The following RARB variants were observed in gnomAD, a reference collection of about 807,000 sequenced individuals.
RARB encodes HBV-activated protein.
A neutral mutation model predicts 51.9 loss-of-function variants in RARB; 17 were observed. That is an observed-to-expected ratio of 0.33 (90% CI 0.22 to 0.49). The LOEUF (loss-of-function observed/expected upper bound fraction) is 0.49. Among genes scored for constraint, RARB ranks in the 20% least tolerant of loss-of-function variants. The probability of loss-of-function intolerance (pLI) is 0.99; values close to 1 mark genes in which losing one functional copy is unlikely to be tolerated. For missense variants in RARB, 369 were observed against 550.8 expected, an observed-to-expected ratio of 0.67 and a Z score of 3.30; for synonymous variants, 215 against 195.4, an observed-to-expected ratio of 1.10 and a Z score of -0.84.
intron 2 of RARB, among the ~76,000 whole-genome samples, chr3:25,493,845 T>C (rs1261291221): frequency 2.0e-5 from 3 of 152,138 alleles, no homozygotes; most frequent in Non-Finnish European, 4.4e-5. Context: ...CATGACACAT[T>C]CCACACATGT....
chr3:25,128,018 G>T (rs1699889106), intron 3 of RARB, among the ~76,000 whole-genome samples: 1 of 152,014 alleles, frequency 6.6e-6, no homozygotes, highest in East Asian at 1.9e-4. Context: ...CTGGCTGTAG[G>T]GGACGAAAAG....
intron 5 of RARB, among the ~76,000 whole-genome samples, chr3:25,401,535 T>C (rs993727863): frequency 6.6e-6 from 1 of 152,108 alleles, no homozygotes; most frequent in Non-Finnish European, 1.5e-5. Context: ...ATTTAAGAAA[T>C]AAATGATCAG....
chr3:25,298,077 A>G (rs1703958773), intron 5 of RARB, among the ~76,000 whole-genome samples: 1 of 152,188 alleles, frequency 6.6e-6, no homozygotes, highest in Non-Finnish European at 1.5e-5. Flanking sequence ...CTTTCTTCAA[A>G]GCAGAGGTTC....
intron 5 of RARB, among the ~76,000 whole-genome samples, chr3:25,216,594 G>A (rs1346570790): frequency 1.3e-5 from 2 of 151,640 alleles, no homozygotes; most frequent in African/African-American, 4.8e-5. Context: ...GGGGTGGGGG[G>A]TTGTGAGGGG....
chr3:25,029,537 T>C (rs1386282177), intron 2 of RARB, among the ~76,000 whole-genome samples: 5 of 152,188 alleles, frequency 3.3e-5, no homozygotes, highest in Admixed American at 2.6e-4. Flanking sequence ...ACAGGAGCCT[T>C]TTCCTAGGTC....
At chr3:24,894,448 T>C (rs376602882) in intron 2 of RARB, among the ~76,000 whole-genome samples, 33 of 152,296 alleles carry the variant, frequency 2.2e-4, no homozygotes, top group African/African-American at 7.2e-4. Flanking sequence ...CATGATTTTA[T>C]TCTTCTTTAT....
At chr3:25,315,478 C>T (rs1474945585) in intron 5 of RARB, among the ~76,000 whole-genome samples, 1 of 152,166 alleles carries the variant, frequency 6.6e-6, no homozygotes, top group East Asian at 1.9e-4. Flanking sequence ...CTTGAGACTT[C>T]CTAACTTCCC....
chr3:25,484,289 C>T (rs923835217), intron 2 of RARB, among the ~76,000 whole-genome samples: 2 of 152,160 alleles, frequency 1.3e-5, no homozygotes, highest in African/African-American at 4.8e-5. Flanking sequence ...AGGTTTTCTT[C>T]ATGTCCTGGT....
intron 1 of RARB, chr3:25,441,183 G>A (rs1184473469): frequency 1.8e-5 from 4 of 226,756 alleles, no homozygotes; most frequent in Non-Finnish European, 3.6e-5. Flanking sequence ...TGGCATAATT[G>A]TTAAACGTTT....
chr3:25,469,915 C>A (rs1695606119), intron 2 of RARB, among the ~76,000 whole-genome samples: 1 of 151,932 alleles, frequency 6.6e-6, no homozygotes. Context: ...AAGACCATTC[C>A]AAACTTTAGG....
chr3:25,239,372 T>G (rs1040268422), intron 5 of RARB, among the ~76,000 whole-genome samples: 1 of 152,218 alleles, frequency 6.6e-6, no homozygotes, highest in South Asian at 2.1e-4. Context: ...ATAATATCTT[T>G]CCCTAGACCA....
chr3:25,484,089 T>C (rs1304000542), intron 2 of RARB, among the ~76,000 whole-genome samples: 1 of 152,242 alleles, frequency 6.6e-6, no homozygotes, highest in African/African-American at 2.4e-5. Flanking sequence ...AAACTCCTGC[T>C]CTTTAGAGTT....
At chr3:25,212,512 G>A (rs971457574) in intron 5 of RARB, among the ~76,000 whole-genome samples, 21 of 151,798 alleles carry the variant, frequency 1.4e-4, no homozygotes, top group East Asian at 9.7e-4. Context: ...CAGCTACCCG[G>A]GAGGCTGAGG....
At chr3:25,441,360 C>G (rs1463876131) in intron 1 of RARB, 2 of 294,898 alleles carry the variant, frequency 6.8e-6, no homozygotes, top group Non-Finnish European at 1.4e-5. Flanking sequence ...AATCAGTTCA[C>G]TGGACTTCGT....
At chr3:24,893,636 A>T (rs1408107076) in intron 2 of RARB, among the ~76,000 whole-genome samples, 1 of 151,652 alleles carries the variant, frequency 6.6e-6, no homozygotes, top group Middle Eastern at 3.5e-3. Context: ...TCCTGTCTCT[A>T]CCTCCTGAGT....
chr3:25,327,278 C>A (rs998319145), intron 5 of RARB, among the ~76,000 whole-genome samples: 1 of 151,858 alleles, frequency 6.6e-6, no homozygotes, highest in Non-Finnish European at 1.5e-5. Flanking sequence ...AAATTTCAGA[C>A]TAGAAGGGCA....
At chr3:25,417,220 C>G (rs1411660132) in intron 5 of RARB, among the ~76,000 whole-genome samples, 1 of 150,778 alleles carries the variant, frequency 6.6e-6, no homozygotes, top group Non-Finnish European at 1.5e-5. Context: ...AAAACTGCTG[C>G]CTGTCTCTGA....
chr3:24,837,473 G>T lies in RARB; in HGVS notation c.-459+8070G>T, dbSNP rs181151165. On this transcript the variant is annotated intron_variant, in intron 1 of 11. Transcript: ENST00000383772. ...TTTCACTGTTACAATGACAATTGTG[G>T]TTTTCTTTTGATAATTTAATAAAGA... Among the ~76,000 whole-genome samples, 485 of 152,290 alleles carry T rather than the reference G, an allele frequency of 3.2e-3. 3 individuals are homozygous for T. Among genetic ancestry groups the T allele is most frequent in the Non-Finnish European group, 5.5e-3 (372 of 68,016 alleles).
At chr3:25,514,083 C>G (rs1184416218) in intron 3 of RARB, among the ~76,000 whole-genome samples, 1 of 152,170 alleles carries the variant, frequency 6.6e-6, no homozygotes, top group Non-Finnish European at 1.5e-5. Flanking sequence ...ACCTGAAATT[C>G]TCCTGCAGTC....
Sources: gnomAD v4.1 joint callset for allele counts (sites outside exome capture counted in the v4.1 genomes callset) on GRCh38, gnomAD v4.1.1 for gene constraint, MANE v1.5 for transcripts, NCBI Gene and HGNC (gene_info 2026-07-23, HGNC 2026-07-21) for gene names.